AHRR: variants seen among roughly 807,000 people sequenced by gnomAD.
AHRR encodes the protein ahR repressor.
AHRR carries 28 observed loss-of-function variants against 44.0 expected under a neutral mutation model. That is an observed-to-expected ratio of 0.64 (90% CI 0.47 to 0.87). The LOEUF (loss-of-function observed/expected upper bound fraction) is 0.87, where lower values mean the gene tolerates loss of function less well. AHRR is among the 40% of genes least tolerant of loss of function. The pLI, the probability that AHRR is intolerant of heterozygous loss-of-function variation, is 0.00. For missense variants in AHRR, 990 were observed against 953.9 expected, an observed-to-expected ratio of 1.04 and a Z score of -0.50; for synonymous variants, 434 against 407.0, an observed-to-expected ratio of 1.07 and a Z score of -0.80.
chr5:322,294 G>A (rs2126802074), intron 1 of AHRR, among the ~76,000 whole-genome samples: 1 of 152,304 alleles, frequency 6.6e-6, no homozygotes, highest in South Asian at 2.1e-4. Flanking sequence ...CAGACCGGAT[G>A]CCCTGAGAGA....
At chr5:349,621 A>C (rs1742795310) in intron 2 of AHRR, among the ~76,000 whole-genome samples, 1 of 151,916 alleles carries the variant, frequency 6.6e-6, no homozygotes, top group African/African-American at 2.4e-5. Context: ...AAAAAAGAAA[A>C]CCTTTTGATG....
intron 1 of AHRR, among the ~76,000 whole-genome samples, chr5:325,418 G>A (rs1167086530): frequency 6.6e-6 from 1 of 152,242 alleles, no homozygotes. Context: ...CTGGGGCCAG[G>A]CTTGGGTGCG....
rs1183571912 is a variant in AHRR at position 326,010 on chromosome 5, T to TAGGA, written c.-11+4191_-11+4192insAGGA. 1.6e-4 allele frequency among the ~76,000 whole-genome samples: 24 copies of TAGGA among 152,356 alleles called. No homozygotes were observed. Among genetic ancestry groups the TAGGA allele is most frequent in the African/African-American group, 5.5e-4 (23 of 41,578 alleles). The stretch of plus-strand genomic sequence containing the variant: ...GTTGGCCAGGCTGGTCTTGAACTCC[T>TAGGA]GACCTCAGGCGATTCCCCTGCCTCA... On this transcript the variant is annotated intron_variant, in intron 1 of 10. Transcript: ENST00000684583. This position sits in a 1 kb window ranked among gnomAD's most constrained non-coding sequence, Gnocchi z 4.1.
intron 8 of AHRR, among the ~76,000 whole-genome samples, chr5:429,385 C>T (rs1736618003): frequency 6.6e-6 from 1 of 152,144 alleles, no homozygotes; most frequent in Non-Finnish European, 1.5e-5. Flanking sequence ...GGACCCCTTC[C>T]CCGGCCACCT....
chr5:339,455 C>T (rs73041270), intron 1 of AHRR, among the ~76,000 whole-genome samples: 15,028 of 152,196 alleles, frequency 0.099, 2,407 homozygotes, highest in African/African-American at 0.33. Context: ...ATCATGTCTG[C>T]GAACAGATAG....
At chr5:430,347 T>C (rs1736667972) in intron 8 of AHRR, among the ~76,000 whole-genome samples, 1 of 152,328 alleles carries the variant, frequency 6.6e-6, no homozygotes, top group East Asian at 1.9e-4. Context: ...TTCACACCCG[T>C]GCCCTCCGTG....
At chr5:376,548 A>AGGAAGGAGAACCGTGGGG in intron 3 of AHRR, 62 bp from the exon 4 acceptor site, 1 of 1,416,504 alleles carries the variant, frequency 7.1e-7, no homozygotes, top group Non-Finnish European at 9.5e-7. Flanking sequence ...AAAGATGTGA[A>AGGAAGGAGAACCGTGGGG]TGAAGAAGAG....
intron 3 of AHRR, among the ~76,000 whole-genome samples, chr5:356,217 G>A (rs1033688108): frequency 6.6e-6 from 1 of 152,220 alleles, no homozygotes; most frequent in Non-Finnish European, 1.5e-5. Flanking sequence ...AGGAGGTGGT[G>A]AGGAGGAGAC....
chr5:437,471 G>A lies in AHRR; in HGVS notation c.*2637G>A, dbSNP rs55842567. ...CGGCTGTCACTGGGAAAAACACCAG[G>A]CCCCAAAGATCGAATCAGAGACGTG... On this transcript the variant is annotated 3_prime_UTR_variant, in exon 11 of 11. Transcript: ENST00000684583. 40,322 of 152,356 alleles carry A rather than the reference G, an allele frequency of 0.26. 6,965 individuals carry two copies. The highest frequency in any genetic ancestry group is 0.39 in the Non-Finnish European group (26,455 of 67,984). 9.4% of individuals were successfully genotyped at this position (152,356 alleles called of 1,614,324 possible). A position where few individuals can be genotyped will look rare whatever the true frequency, so the allele number is the denominator to read the frequency against.
rs911591574 is a variant in AHRR at position 419,815 on chromosome 5, C to G, written c.442-2914C>G. 1.3e-4 allele frequency among the ~76,000 whole-genome samples: 20 copies of G among 152,228 alleles called. No individual in the cohort carries two copies. The highest frequency in any genetic ancestry group is 4.8e-4 in the African/African-American group (20 of 41,534). On this transcript the variant is annotated intron_variant, in intron 5 of 10. Transcript: ENST00000684583. This position sits in a 1 kb window ranked among gnomAD's most constrained non-coding sequence, Gnocchi z 4.4. Reference sequence around the variant, plus strand: ...CTGTGAAACAAATGTCATAAGGTCTCTAATTTAGAAGGGGGAAGACCCAGG... The same window carrying G: ...CTGTGAAACAAATGTCATAAGGTCTGTAATTTAGAAGGGGGAAGACCCAGG...
intron 3 of AHRR, among the ~76,000 whole-genome samples, chr5:372,768 C>G (rs977727439): frequency 6.6e-6 from 1 of 152,230 alleles, no homozygotes. Flanking sequence ...CACCCAGACG[C>G]ACAGCTGGAC....
chr5:435,581 C>CG lies in AHRR; in HGVS notation c.*747_*748insG, dbSNP rs1579721138. On this transcript the variant is annotated 3_prime_UTR_variant, in exon 11 of 11. Coordinates refer to ENST00000684583, the MANE Select transcript of AHRR (RefSeq NM_001377236.1). Reference sequence around the variant, plus strand: ...CAGCATAACCCCTGTTCCTTCTGGACATCTCCCGAGTTCTCAGTGGGTCTC... The same window carrying CG: ...CAGCATAACCCCTGTTCCTTCTGGACGATCTCCCGAGTTCTCAGTGGGTCTC... 3 of 152,518 alleles carry CG rather than the reference C, an allele frequency of 2.0e-5. 1 individual carries two copies. The highest frequency in any genetic ancestry group is 3.8e-4 in the East Asian group (2 of 5,320). 9.4% of individuals were successfully genotyped at this position (152,518 alleles called of 1,614,324 possible).
rs570451418 is a variant in AHRR, at chr5:383,674, C to T, written c.351+6958C>T. 3.9e-5 allele frequency among the ~76,000 whole-genome samples: 6 copies of T among 152,152 alleles called. No individual in the cohort carries two copies. The highest frequency in any genetic ancestry group is 3.4e-3 in the Middle Eastern group (1 of 294). On this transcript the variant is annotated intron_variant, in intron 4 of 10. Transcript: ENST00000684583. The surrounding 1 kb of genome is among the most constrained non-coding windows in gnomAD (Gnocchi z 4.0). ...AACTCCTGAGCTCAAGAGATCCTCC[C>T]GCTTCAGCTTCTTGAGTAGCTGGGA...
chr5:426,967 CAT>C (rs1163410503), intron 7 of AHRR, among the ~76,000 whole-genome samples: 8 of 111,892 alleles, frequency 7.1e-5, no homozygotes, highest in African/African-American at 2.6e-4. Context: ...TGGATGGAAA[CAT>C]GGATGGATGG....
At chr5:369,313 CT>C (rs1385187560) in intron 3 of AHRR, among the ~76,000 whole-genome samples, 1 of 152,216 alleles carries the variant, frequency 6.6e-6, no homozygotes, top group Admixed American at 6.5e-5. Context: ...TCTTAACCCC[CT>C]AACCTGGTAC....
intron 4 of AHRR, among the ~76,000 whole-genome samples, chr5:410,840 A>AT: frequency 6.6e-6 from 1 of 152,116 alleles, no homozygotes; most frequent in South Asian, 2.1e-4. Context: ...GGTTATTTAG[A>AT]TTTTCTAGTT....
chr5:382,254 T>C (rs4956934), intron 4 of AHRR, among the ~76,000 whole-genome samples: 112,422 of 152,154 alleles, frequency 0.74, 42,248 homozygotes, highest in Non-Finnish European at 0.77. Flanking sequence ...TTATTTTCTC[T>C]TGAAATGTTT....
rs117757794 is a variant in AHRR at position 324,430 on chromosome 5, T to C, written c.-11+2611T>C. Among the ~76,000 whole-genome samples, 313 of 149,814 alleles carry C rather than the reference T, an allele frequency of 2.1e-3. 10 individuals carry two copies. The East Asian group carries it at 0.054, about 26-fold the overall frequency. Reference sequence around the variant, plus strand: ...GTGCTTCCACTTGGAATTTTTTTTTTAATAAAAATATATTCATTTATATAA... The same window carrying C: ...GTGCTTCCACTTGGAATTTTTTTTTCAATAAAAATATATTCATTTATATAA... On this transcript the variant is annotated intron_variant, in intron 1 of 10. Coordinates refer to ENST00000684583, the MANE Select transcript of AHRR (RefSeq NM_001377236.1).
intron 2 of AHRR, among the ~76,000 whole-genome samples, chr5:352,258 A>C (rs1742882660): frequency 6.6e-6 from 1 of 151,766 alleles, no homozygotes; most frequent in African/African-American, 2.4e-5. Context: ...GGTCACTCTG[A>C]GGTTAAATAG....
Sources: allele counts gnomAD v4.1 joint callset (sites outside exome capture counted in the v4.1 genomes callset), GRCh38; gene constraint gnomAD v4.1.1; non-coding constraint Gnocchi (gnomAD v3.1); transcripts MANE v1.5; gene names NCBI Gene and HGNC (gene_info 2026-07-23, HGNC 2026-07-21).